EML6: variants seen among roughly 807,000 people sequenced by gnomAD.
EML6 encodes EMAP like 6, also known as echinoderm microtubule-associated protein-like 6.
In EML6, 154 loss-of-function variants were observed where a neutral mutation model predicts 240.1. That is an observed-to-expected ratio of 0.64 (90% CI 0.56 to 0.73). The LOEUF (loss-of-function observed/expected upper bound fraction) is 0.73. Among genes scored for constraint, EML6 ranks in the 30% least tolerant of loss-of-function variants. The probability of loss-of-function intolerance (pLI) is 0.00; values close to 1 mark genes in which losing one functional copy is unlikely to be tolerated. For missense variants in EML6, 2,964 were observed against 2,474.6 expected (o/e 1.20, Z -4.20); for synonymous variants, 1,148 against 899.0 (o/e 1.28, Z -4.95).
chr2:54,810,287 C>T (rs1667767367), intron 2 of EML6, among the ~76,000 whole-genome samples: 1 of 152,148 alleles, frequency 6.6e-6, no homozygotes, highest in Non-Finnish European at 1.5e-5. Flanking sequence ...AGAACAATAA[C>T]CAGCATAAAA....
chr2:54,771,341 G>C (rs762516033), intron 2 of EML6, among the ~76,000 whole-genome samples: 1 of 152,098 alleles, frequency 6.6e-6, no homozygotes, highest in Admixed American at 6.6e-5. Flanking sequence ...CACATGTCCC[G>C]TAACGCCACA....
chr2:54,842,686 A>G (rs17345611), intron 7 of EML6, among the ~76,000 whole-genome samples: 5,263 of 152,314 alleles, frequency 0.035, 124 homozygotes, highest in Admixed American at 0.077. Flanking sequence ...TTCGGATTCA[A>G]AAACTCACTG....
chr2:54,812,829 A>G (rs922864933), intron 2 of EML6, among the ~76,000 whole-genome samples: 13 of 152,208 alleles, frequency 8.5e-5, no homozygotes, highest in Non-Finnish European at 1.6e-4. Context: ...AATTCCAAGA[A>G]GAGAACCTTC....
intron 25 of EML6, 75 bp downstream of exon 25, chr2:54,911,117 C>A: frequency 8.1e-6 from 6 of 737,950 alleles, no homozygotes; most frequent in Non-Finnish European, 1.4e-5. Flanking sequence ...AAACCTATCA[C>A]GTTAACCACT....
intron 11 of EML6, among the ~76,000 whole-genome samples, chr2:54,857,302 G>A (rs1448817571): frequency 1.3e-5 from 2 of 152,112 alleles, no homozygotes; most frequent in East Asian, 3.9e-4. Context: ...CCATGGGGGA[G>A]GAGGTTGATA....
At chr2:54,863,994 G>A (rs939726462) in intron 13 of EML6, 105 bp downstream of exon 13, 2 of 633,924 alleles carry the variant, frequency 3.2e-6, no homozygotes, top group Admixed American at 7.4e-5. Flanking sequence ...AAAGAGAATT[G>A]AGGCAAAAAC....
intron 2 of EML6, among the ~76,000 whole-genome samples, chr2:54,801,334 A>AG (rs1553381475): frequency 1.3e-5 from 2 of 151,430 alleles, no homozygotes; most frequent in African/African-American, 4.9e-5. Flanking sequence ...AAAAAAAAAA[A>AG]GGTTTCTCAT....
intron 22 of EML6, among the ~76,000 whole-genome samples, chr2:54,901,393 G>C (rs1382047052): frequency 6.6e-6 from 1 of 152,174 alleles, no homozygotes; most frequent in Non-Finnish European, 1.5e-5. Context: ...ATCACTACAG[G>C]CTAGAATCAT....
At chr2:54,876,211 C>G (rs1245623598) in intron 16 of EML6, among the ~76,000 whole-genome samples, 1 of 152,126 alleles carries the variant, frequency 6.6e-6, no homozygotes, top group Non-Finnish European at 1.5e-5. Context: ...ATTTCCAAAG[C>G]TAAGACCACG....
intron 26 of EML6, among the ~76,000 whole-genome samples, chr2:54,917,593 C>T (rs1673992302): frequency 6.6e-6 from 1 of 152,106 alleles, no homozygotes; most frequent in African/African-American, 2.4e-5. Context: ...GAACTCCTGA[C>T]TTTGTGATCC....
chr2:54,955,134 A>C (rs979114630), intron 32 of EML6, among the ~76,000 whole-genome samples: 1 of 152,208 alleles, frequency 6.6e-6, no homozygotes, highest in African/African-American at 2.4e-5. Flanking sequence ...GTTTCTAGGA[A>C]ACCACATGTT....
At chr2:54,864,763 C>T (rs1231196919) in intron 13 of EML6, among the ~76,000 whole-genome samples, 17 of 152,208 alleles carry the variant, frequency 1.1e-4, no homozygotes, top group Admixed American at 1.1e-3. Context: ...CAATGCTTAC[C>T]TAGGCTTATC....
chr2:54,902,616 C>T (rs964606551), intron 22 of EML6, among the ~76,000 whole-genome samples: 1 of 152,322 alleles, frequency 6.6e-6, no homozygotes, highest in Middle Eastern at 3.4e-3. Flanking sequence ...CCAGGCTGGT[C>T]TTGAACTCCA....
chr2:54,819,773 G>GAAAAA lies in EML6; in HGVS notation c.457-608_457-604dup, dbSNP rs375657743. 4.5e-4 allele frequency among the ~76,000 whole-genome samples: 56 copies of GAAAAA among 123,104 alleles called. 2 individuals carry two copies. The highest frequency in any genetic ancestry group is 3.9e-3 in the South Asian group (14 of 3,628). 80.8% of individuals were successfully genotyped at this position (123,104 alleles called of 152,430 possible). ...CTGGTGACGGAGCGAGACTGTCTCAGAAAAAAAAAAAAAAAAAGACAAATA... is the reference window on the plus strand; with the variant it reads ...CTGGTGACGGAGCGAGACTGTCTCAGAAAAAAAAAAAAAAAAAAAAAAGACAAATA... On this transcript the variant is annotated intron_variant, in intron 4 of 41. Coordinates refer to ENST00000356458, the MANE Select transcript of EML6 (RefSeq NM_001039753.4).
intron 2 of EML6, among the ~76,000 whole-genome samples, chr2:54,772,613 G>A (rs1172102509): frequency 6.6e-6 from 1 of 152,202 alleles, no homozygotes; most frequent in Non-Finnish European, 1.5e-5. Flanking sequence ...TGTGCTGTGT[G>A]TGTATGTACA....
intron 21 of EML6, among the ~76,000 whole-genome samples, chr2:54,897,245 A>T (rs957679835): frequency 6.6e-6 from 1 of 152,186 alleles, no homozygotes; most frequent in South Asian, 2.1e-4. Context: ...CACTTGAGGT[A>T]GTTTGGTTTA....
chr2:54,797,625 T>TA (rs34160986), intron 2 of EML6, among the ~76,000 whole-genome samples: 1,758 of 148,852 alleles, frequency 0.012, 16 homozygotes, highest in South Asian at 0.044. Flanking sequence ...TTCTTTATTG[T>TA]AAAAAAAAAA....
At chr2:54,754,194 C>T (rs1052760699) in intron 2 of EML6, among the ~76,000 whole-genome samples, 12 of 151,732 alleles carry the variant, frequency 7.9e-5, no homozygotes, top group Non-Finnish European at 1.2e-4. Flanking sequence ...CCAAGCTGGC[C>T]TCAAACTCCT....
intron 12 of EML6, among the ~76,000 whole-genome samples, chr2:54,861,625 A>G (rs1245432546): frequency 6.6e-6 from 1 of 152,190 alleles, no homozygotes; most frequent in Non-Finnish European, 1.5e-5. Context: ...GACATGGCAC[A>G]TCTTAAGCTC....
Sources: gnomAD v4.1 joint callset for allele counts (sites outside exome capture counted in the v4.1 genomes callset) on GRCh38, gnomAD v4.1.1 for gene constraint, MANE v1.5 for transcripts, NCBI Gene and HGNC (gene_info 2026-07-23, HGNC 2026-07-21) for gene names.